ROBO1: variants seen among roughly 807,000 people sequenced by gnomAD.
ROBO1 encodes the protein roundabout guidance receptor 1, also known as roundabout homolog 1.
ROBO1 carries 149 observed loss-of-function variants against 195.9 expected under a neutral mutation model. The observed-to-expected ratio is 0.76, with a 90% confidence interval of 0.67 to 0.87. The LOEUF (loss-of-function observed/expected upper bound fraction) is 0.87, where lower values mean the gene tolerates loss of function less well. Among genes scored for constraint, ROBO1 ranks in the 40% least tolerant of loss-of-function variants. The probability of loss-of-function intolerance (pLI) is 0.00; values close to 1 mark genes in which losing one functional copy is unlikely to be tolerated. For synonymous variants in ROBO1, 816 were observed against 733.2 expected (o/e 1.11, Z -1.82); for missense variants, 1,933 against 2,068.3 (o/e 0.93, Z 1.27).
intron 2 of ROBO1, among the ~76,000 whole-genome samples, chr3:79,235,769 C>A (rs1169143638): frequency 6.6e-6 from 1 of 152,040 alleles, no homozygotes; most frequent in African/African-American, 2.4e-5. Context: ...ATCTCCATAT[C>A]AGAGTCTGCT....
chr3:79,011,275 A>G (rs1488864379), intron 3 of ROBO1, among the ~76,000 whole-genome samples: 1 of 152,230 alleles, frequency 6.6e-6, no homozygotes, highest in African/African-American at 2.4e-5. Flanking sequence ...TATGCAACTA[A>G]AAAGCGGACA....
chr3:79,268,351 AAAGTCCTCAAAC>A (rs1418594489), intron 2 of ROBO1, among the ~76,000 whole-genome samples: 1 of 151,734 alleles, frequency 6.6e-6, no homozygotes, highest in Non-Finnish European at 1.5e-5. Context: ...ATGATATTTA[AAAGTCCTCAAAC>A]TTTTTTTCAA....
chr3:79,188,469 G>A (rs1171835272), intron 2 of ROBO1, among the ~76,000 whole-genome samples: 1 of 151,694 alleles, frequency 6.6e-6, no homozygotes, highest in Non-Finnish European at 1.5e-5. Flanking sequence ...TATTAACCTA[G>A]AACCTTTAAG....
In ROBO1 at chr3:79,557,023, T is replaced by G. The variant is rs563811307; in HGVS notation, c.88+32801A>C. ...ACTCTGAATTCCTTTTTTTGTTGTTTTTTTTTTTTATTTTTGTGGCAGACT... is the reference window on the plus strand; with the variant it reads ...ACTCTGAATTCCTTTTTTTGTTGTTGTTTTTTTTTATTTTTGTGGCAGACT... On this transcript the variant is annotated intron_variant, in intron 2 of 30. Transcript: ENST00000464233. 4.5e-4 allele frequency among the ~76,000 whole-genome samples: 67 copies of G among 149,906 alleles called. 1 individual carries two copies. The highest frequency in any genetic ancestry group is 1.7e-3 in the South Asian group (8 of 4,808).
At chr3:79,169,349 T>C (rs753550899) in intron 2 of ROBO1, among the ~76,000 whole-genome samples, 5 of 152,140 alleles carry the variant, frequency 3.3e-5, no homozygotes, top group Non-Finnish European at 5.9e-5. Flanking sequence ...TTCTTTTGCT[T>C]GCCGCACAGG....
At chr3:79,693,366 C>T (rs1345064944) in intron 1 of ROBO1, among the ~76,000 whole-genome samples, 1 of 149,688 alleles carries the variant, frequency 6.7e-6, no homozygotes, top group African/African-American at 2.5e-5. Context: ...ATAAAATACA[C>T]ATCAATATAT....
At chr3:79,151,837 C>A (rs2080777284) in intron 2 of ROBO1, among the ~76,000 whole-genome samples, 1 of 151,784 alleles carries the variant, frequency 6.6e-6, no homozygotes, top group Non-Finnish European at 1.5e-5. Flanking sequence ...CTTGTCTCTG[C>A]TGAACTGGCT....
intron 4 of ROBO1, among the ~76,000 whole-genome samples, chr3:78,774,730 C>T (rs1423092791): frequency 3.9e-5 from 6 of 152,088 alleles, no homozygotes; most frequent in African/African-American, 9.7e-5. Flanking sequence ...CAAATTGTGT[C>T]CCTTCTTGAA....
intron 1 of ROBO1, among the ~76,000 whole-genome samples, chr3:79,694,412 G>A (rs970651533): frequency 6.6e-6 from 1 of 151,780 alleles, no homozygotes; most frequent in African/African-American, 2.4e-5. Context: ...AGTGATGTAT[G>A]CTGTGAAAGG....
At chr3:78,963,519 T>C (rs1161086894) in intron 3 of ROBO1, among the ~76,000 whole-genome samples, 7 of 116,994 alleles carry the variant, frequency 6.0e-5, no homozygotes, top group South Asian at 2.4e-4. Flanking sequence ...TTTTTTTTTT[T>C]TCTTTTTTTT....
At chr3:78,770,121 C>G (rs416551) in intron 4 of ROBO1, among the ~76,000 whole-genome samples, 84,589 of 152,022 alleles carry the variant, frequency 0.56, 23,719 homozygotes, top group East Asian at 0.73. Flanking sequence ...GGATGTTTAG[C>G]TCTTTTGCAG....
chr3:79,445,035 C>A (rs911320805), intron 2 of ROBO1, among the ~76,000 whole-genome samples: 4 of 151,812 alleles, frequency 2.6e-5, no homozygotes, highest in Non-Finnish European at 4.4e-5. Context: ...TCCTAAATCA[C>A]TGGTAATCAT....
At chr3:78,949,967 T>A (rs2040681585) in intron 3 of ROBO1, among the ~76,000 whole-genome samples, 1 of 152,144 alleles carries the variant, frequency 6.6e-6, no homozygotes. Flanking sequence ...TGAGATACCA[T>A]CTCACACCAG....
At chr3:79,745,202 C>T (rs2107447203) in intron 1 of ROBO1, among the ~76,000 whole-genome samples, 1 of 152,188 alleles carries the variant, frequency 6.6e-6, no homozygotes, top group East Asian at 1.9e-4. Flanking sequence ...CCCTGCTCTG[C>T]CCTGAAATAT....
intron 3 of ROBO1, among the ~76,000 whole-genome samples, chr3:79,046,076 A>G (rs188658626): frequency 1.3e-5 from 2 of 152,278 alleles, no homozygotes; most frequent in Non-Finnish European, 2.9e-5. Flanking sequence ...CTTGTGTATA[A>G]CAGAATAGAG....
intron 2 of ROBO1, among the ~76,000 whole-genome samples, chr3:79,334,404 A>ACT (rs2034582854): frequency 6.7e-6 from 1 of 148,640 alleles, no homozygotes; most frequent in African/African-American, 2.5e-5. Context: ...CATCTAATAT[A>ACT]TTATCTGCTT....
At chr3:78,758,054 G>GC (rs1475291474) in intron 4 of ROBO1, among the ~76,000 whole-genome samples, 1 of 152,168 alleles carries the variant, frequency 6.6e-6, no homozygotes, top group Admixed American at 6.5e-5. Flanking sequence ...GGGAGAGTCT[G>GC]CTCAGCCATC....
intron 2 of ROBO1, among the ~76,000 whole-genome samples, chr3:79,517,309 T>C (rs900526805): frequency 1.3e-5 from 2 of 152,176 alleles, no homozygotes; most frequent in African/African-American, 4.8e-5. Flanking sequence ...TGTCTGTATC[T>C]AACTTGATCT....
intron 3 of ROBO1, among the ~76,000 whole-genome samples, chr3:79,055,922 AC>A (rs2078798970): frequency 6.6e-6 from 1 of 152,082 alleles, no homozygotes; most frequent in Non-Finnish European, 1.5e-5. Flanking sequence ...CTGAACAGTT[AC>A]AACTTGAGAA....
Sources: allele counts gnomAD v4.1 joint callset (sites outside exome capture counted in the v4.1 genomes callset), GRCh38; gene constraint gnomAD v4.1.1; transcripts MANE v1.5; gene names NCBI Gene and HGNC (gene_info 2026-07-23, HGNC 2026-07-21).